The following PDE11A variants were observed in gnomAD, a reference collection of about 807,000 sequenced individuals.
PDE11A encodes the protein dual 3',5'-cyclic-AMP and -GMP phosphodiesterase 11A.
PDE11A carries 100 observed loss-of-function variants against 100.5 expected under a neutral mutation model. The ratio of observed to expected loss-of-function variants is 1.00; its 90% confidence interval spans 0.85 to 1.18. The LOEUF is 1.18. Ranked by LOEUF, PDE11A falls within the 50% of genes most tolerant of loss-of-function variation. The pLI, the probability that PDE11A is intolerant of heterozygous loss-of-function variation, is 0.00. For synonymous variants in PDE11A, 381 were observed against 420.8 expected (o/e 0.91, Z 1.16); for missense variants, 1,141 against 1,152.6 (o/e 0.99, Z 0.15).
intron 2 of PDE11A, among the ~76,000 whole-genome samples, chr2:177,968,306 T>A (rs1323799523): frequency 6.6e-6 from 1 of 152,230 alleles, no homozygotes; most frequent in Non-Finnish European, 1.5e-5. Flanking sequence ...TAGTCTTCCC[T>A]GTGGTTCTCA....
At chr2:177,859,592 G>T (rs938150560) in intron 5 of PDE11A, among the ~76,000 whole-genome samples, 6 of 151,802 alleles carry the variant, frequency 4.0e-5, no homozygotes, top group Admixed American at 1.3e-4. Context: ...GAAAGTAGAA[G>T]ACTTGAACAA....
chr2:178,103,917 T>C (rs1341165543), intron 2 of PDE11A, among the ~76,000 whole-genome samples: 1 of 152,094 alleles, frequency 6.6e-6, no homozygotes, highest in African/African-American at 2.4e-5. Context: ...CAAAAAAACA[T>C]GCTGAATATA....
At chr2:178,007,858 C>T (rs2086230329) in intron 2 of PDE11A, among the ~76,000 whole-genome samples, 2 of 152,076 alleles carry the variant, frequency 1.3e-5, no homozygotes, top group South Asian at 4.1e-4. Flanking sequence ...ACATGTGCCA[C>T]CACAACTGGC....
intron 1 of PDE11A, among the ~76,000 whole-genome samples, chr2:178,044,265 G>T (rs1436826844): frequency 7.1e-6 from 1 of 140,752 alleles, no homozygotes; most frequent in Non-Finnish European, 1.6e-5. Context: ...TCCAGTAATA[G>T]GCCATTTCAT....
intron 5 of PDE11A, among the ~76,000 whole-genome samples, chr2:177,867,877 A>C (rs542572117): frequency 6.6e-6 from 1 of 152,340 alleles, no homozygotes; most frequent in South Asian, 2.1e-4. Context: ...TGCTGGACAA[A>C]GACAAAGGGT....
chr2:177,797,085 T>C (rs182655412), intron 9 of PDE11A: 20 of 152,338 alleles, frequency 1.3e-4, no homozygotes, highest in African/African-American at 4.1e-4. Flanking sequence ...CAAGTCTTCA[T>C]TATTTACCCT....
chr2:177,692,256 C>T (rs1163129836), intron 15 of PDE11A, among the ~76,000 whole-genome samples: 1 of 152,104 alleles, frequency 6.6e-6, no homozygotes, highest in Non-Finnish European at 1.5e-5. Flanking sequence ...GATTTACATG[C>T]AGATAAATAG....
In PDE11A at chr2:177,697,401, T is replaced by C. The variant is rs147492800; in HGVS notation, c.2276A>G (p.Lys759Arg). The C allele has an allele frequency of 6.3e-7, 1 of 1,594,478 alleles. No individual in the cohort carries two copies. The highest frequency in any genetic ancestry group is 8.6e-7 in the Non-Finnish European group (1 of 1,162,320). ...GHNIFANLSSKEYSDLMQLLK... is the reference protein window; with the variant it reads ...GHNIFANLSSREYSDLMQLLK... ...AAGCTGCATAAGGTCACTATATTCC[T>C]TGGAGGACAGGTTAGCAAAGATATT... is the stretch of plus-strand genomic sequence containing the variant. Residue 759 changes from lysine to arginine, a missense_variant, in exon 15 of 20, where the codon AAG (lysine) becomes AGG (arginine). By Grantham distance (26) the Lys-to-Arg change is conservative. Transcript: ENST00000286063.
intron 19 of PDE11A, among the ~76,000 whole-genome samples, chr2:177,635,615 T>C (rs2080027358): frequency 6.6e-6 from 1 of 152,166 alleles, no homozygotes; most frequent in Non-Finnish European, 1.5e-5. Flanking sequence ...TACAAAACGG[T>C]ACAAAGGTGC....
chr2:177,646,696 C>G (rs1023332235), intron 19 of PDE11A, among the ~76,000 whole-genome samples: 1 of 152,200 alleles, frequency 6.6e-6, no homozygotes, highest in African/African-American at 2.4e-5. Context: ...TGTTCTATGT[C>G]TCTGATGCTG....
At chr2:177,698,010 G>T (rs1280011349) in intron 14 of PDE11A, among the ~76,000 whole-genome samples, 1 of 152,162 alleles carries the variant, frequency 6.6e-6, no homozygotes, top group African/African-American at 2.4e-5. Flanking sequence ...TAGCAGTGGA[G>T]GCCAGGGATG....
intron 10 of PDE11A, among the ~76,000 whole-genome samples, chr2:177,761,803 A>G (rs2082173977): frequency 6.6e-6 from 1 of 152,252 alleles, no homozygotes; most frequent in Non-Finnish European, 1.5e-5. Context: ...AGGATAGCTC[A>G]GTGGGAGCAT....
At chr2:177,667,263 C>T (rs7594290) in intron 18 of PDE11A, among the ~76,000 whole-genome samples, 9,056 of 152,236 alleles carry the variant, frequency 0.059, 263 homozygotes, top group East Asian at 0.083. Flanking sequence ...GGACCAACAT[C>T]TCTGGGTCAT....
chr2:178,056,601 G>A (rs913451499), intron 1 of PDE11A, among the ~76,000 whole-genome samples: 2 of 152,020 alleles, frequency 1.3e-5, no homozygotes, highest in African/African-American at 4.8e-5. Context: ...TGGGGTAACA[G>A]TTTAAAGTGT....
At chr2:178,106,078 G>A (rs1184986032) in intron 1 of PDE11A, among the ~76,000 whole-genome samples, 2 of 152,116 alleles carry the variant, frequency 1.3e-5, no homozygotes, top group Non-Finnish European at 2.9e-5. Context: ...AAACGTTTGT[G>A]TTATTCTGCC....
chr2:178,039,344 C>T (rs2086655843), intron 1 of PDE11A, among the ~76,000 whole-genome samples: 1 of 151,838 alleles, frequency 6.6e-6, no homozygotes, highest in Non-Finnish European at 1.5e-5. Flanking sequence ...CTCATGAACC[C>T]AAAAAAGGGA....
intron 10 of PDE11A, among the ~76,000 whole-genome samples, chr2:177,762,890 TA>T (rs2082188490): frequency 1.3e-5 from 2 of 152,170 alleles, no homozygotes; most frequent in Admixed American, 1.3e-4. Flanking sequence ...CCTCAATACC[TA>T]GCCGCTTAGC....
At chr2:177,880,651 T>A (rs1270574032) in intron 4 of PDE11A, among the ~76,000 whole-genome samples, 2 of 152,158 alleles carry the variant, frequency 1.3e-5, no homozygotes, top group Non-Finnish European at 2.9e-5. Flanking sequence ...AACTCATAAA[T>A]GGTGTCAGGA....
At chr2:178,105,756 A>G (rs952753376) in intron 1 of PDE11A, 30 of 1,110,814 alleles carry the variant, frequency 2.7e-5, no homozygotes, top group Non-Finnish European at 3.2e-5. Flanking sequence ...CACAGCTCTG[A>G]GCCCCTGGGC....
Sources: allele counts gnomAD v4.1 joint callset (sites outside exome capture counted in the v4.1 genomes callset), GRCh38; gene constraint gnomAD v4.1.1; transcripts MANE v1.5; gene names NCBI Gene and HGNC (gene_info 2026-07-23, HGNC 2026-07-21).